Variants in ADARB2 observed in about 807,000 individuals in gnomAD.
The protein encoded by ADARB2 is adenosine deaminase RNA specific B2 (inactive).
In ADARB2, 25 loss-of-function variants were observed where a neutral mutation model predicts 62.2. That is an observed-to-expected ratio of 0.40 (90% CI 0.29 to 0.56). The LOEUF (loss-of-function observed/expected upper bound fraction) is 0.56, where lower values mean the gene tolerates loss of function less well. ADARB2 is among the 20% of genes least tolerant of loss of function. The pLI is 0.43. For synonymous variants in ADARB2, 572 were observed against 500.8 expected (o/e 1.14, Z -1.90); for missense variants, 1,071 against 1,077.4 (o/e 0.99, Z 0.08).
intron 3 of ADARB2, among the ~76,000 whole-genome samples, chr10:1,315,585 TC>T (rs1480322140): frequency 4.6e-5 from 7 of 152,212 alleles, no homozygotes; most frequent in Non-Finnish European, 8.8e-5. Context: ...GAGGGGCTCC[TC>T]GGAAGCCAGG....
rs1052612089 is a variant in ADARB2 at position 1,477,589 on chromosome 10, A to G, written c.101-98429T>C. On this transcript the variant is annotated intron_variant, in intron 1 of 9. Transcript: ENST00000381312. This position sits in a 1 kb window ranked among gnomAD's most constrained non-coding sequence, Gnocchi z 4.5. ...GACACCAGCCCCAGCCATTGCACCCACAACAACACGGTGATGTGCCAGAAG... is the reference window on the plus strand; with the variant it reads ...GACACCAGCCCCAGCCATTGCACCCGCAACAACACGGTGATGTGCCAGAAG... Among the ~76,000 whole-genome samples the G allele has an allele frequency of 2.0e-5, 3 of 152,200 alleles. No homozygotes were observed. The highest frequency in any genetic ancestry group is 4.8e-5 in the African/African-American group (2 of 41,450).
chr10:1,582,218 T>TGGA lies in ADARB2; in HGVS notation c.100+154832_100+154833insTCC, dbSNP rs200573231. 5.3e-5 allele frequency among the ~76,000 whole-genome samples: 8 copies of TGGA among 151,946 alleles called. No homozygotes were observed. In the East Asian group the frequency reaches 1.6e-3, roughly 30 times the overall value. ...ACAGGAAACCATTTGGAGTTGGAGT[T>TGGA]GTCTCTGGCCCAGCTACTTCGGCAG... On this transcript the variant is annotated intron_variant, in intron 1 of 9. Transcript: ENST00000381312.
intron 6 of ADARB2, among the ~76,000 whole-genome samples, chr10:1,220,096 ATGGTGG>A (rs374892964): frequency 8.4e-6 from 1 of 118,568 alleles, no homozygotes; most frequent in Middle Eastern, 7.5e-3. Flanking sequence ...GGTAATGGTG[ATGGTGG>A]TGGTGGTGAT....
Position 1,242,299 on chromosome 10 carries a change from C to T in ADARB2, c.1193G>A (p.Gly398Asp). The T allele has an allele frequency of 6.4e-7, 1 of 1,553,762 alleles. No homozygotes were observed. The highest frequency in any genetic ancestry group is 8.7e-7 in the Non-Finnish European group (1 of 1,150,930). ...KALAGIVMTK[G>D]LDARQAQVVA... Reference sequence around the variant, plus strand: ...GACCTGCGCCTGCCGAGCATCCAGGCCTGGGGACACAGATAGCATCAGAGC... The same window carrying T: ...GACCTGCGCCTGCCGAGCATCCAGGTCTGGGGACACAGATAGCATCAGAGC... The change falls in exon 5 of 10, where the codon GGC (glycine) becomes GAC (aspartate). Residue 398 changes from glycine to aspartate, a missense_variant and splice_region_variant. Gly to Asp is a moderately conservative substitution (Grantham distance 94, BLOSUM62 -1). Transcript: ENST00000381312.
At chr10:1,371,805 AAAT>A (rs1415312505) in intron 2 of ADARB2, among the ~76,000 whole-genome samples, 1 of 148,182 alleles carries the variant, frequency 6.7e-6, no homozygotes, top group African/African-American at 2.4e-5. Flanking sequence ...AAAAAAAAAA[AAAT>A]CCAACATGTT....
chr10:1,724,153 A>C (rs777688590), intron 1 of ADARB2, among the ~76,000 whole-genome samples: 4 of 152,192 alleles, frequency 2.6e-5, no homozygotes, highest in Non-Finnish European at 5.9e-5. Flanking sequence ...TGAAGCTGAA[A>C]ACATACAGCT....
chr10:1,345,743 C>T (rs1832075318), intron 3 of ADARB2, among the ~76,000 whole-genome samples: 2 of 152,148 alleles, frequency 1.3e-5, no homozygotes, highest in Admixed American at 1.3e-4. Flanking sequence ...TGACTCTGCC[C>T]CTTTCAGTCT....
At position 1,184,519 on chromosome 10, in the gene ADARB2, C is replaced by T. The variant is rs189095711; in HGVS notation, c.2043+342G>A. ...AGTGTCGGTTTCCTGATATCTAAAC[C>T]GGGAATAGTATCGACTTCAAAAGTC... is the stretch of plus-strand genomic sequence containing the variant. On this transcript the variant is annotated intron_variant, in intron 9 of 9. Transcript: ENST00000381312. Among the ~76,000 whole-genome samples the T allele has an allele frequency of 3.2e-3, 493 of 152,238 alleles. 5 individuals carry two copies. Among genetic ancestry groups the T allele is most frequent in the African/African-American group, 0.011 (467 of 41,540 alleles).
At chr10:1,670,020 G>A (rs1425894734) in intron 1 of ADARB2, among the ~76,000 whole-genome samples, 2 of 152,236 alleles carry the variant, frequency 1.3e-5, no homozygotes, top group Non-Finnish European at 2.9e-5. Flanking sequence ...CAGGGCGTCT[G>A]TGAGTCTCAC....
chr10:1,207,608 T>TG lies in ADARB2; in HGVS notation c.1683-7462dup, dbSNP rs1383216878. On this transcript the variant is annotated intron_variant, in intron 7 of 9. Transcript: ENST00000381312. ...GAACATTGAGCAGCTGATCTCTAGG[T>TG]GGGGGGAGACGGCACTCTGCACAGG... 2.6e-5 allele frequency among the ~76,000 whole-genome samples: 4 copies of TG among 152,062 alleles called. No homozygotes were observed. The East Asian group carries it at 5.8e-4, about 22-fold the overall frequency.
At chr10:1,423,290 C>T (rs944192421) in intron 1 of ADARB2, among the ~76,000 whole-genome samples, 1 of 152,218 alleles carries the variant, frequency 6.6e-6, no homozygotes, top group African/African-American at 2.4e-5. Context: ...CTTCTTTTCC[C>T]CTCTAATCTG....
chr10:1,562,490 G>A (rs1414410966), intron 1 of ADARB2, among the ~76,000 whole-genome samples: 5 of 152,172 alleles, frequency 3.3e-5, no homozygotes, highest in African/African-American at 9.7e-5. Flanking sequence ...AGCCTGTCAG[G>A]TATATGCGGT....
intron 1 of ADARB2, among the ~76,000 whole-genome samples, chr10:1,646,413 A>G (rs1834042861): frequency 6.6e-6 from 1 of 152,238 alleles, no homozygotes. Flanking sequence ...TCCACAAACA[A>G]TGAACAGTGG....
intron 3 of ADARB2, among the ~76,000 whole-genome samples, chr10:1,299,455 C>T (rs148450080): frequency 1.3e-5 from 2 of 152,324 alleles, no homozygotes; most frequent in East Asian, 1.9e-4. Flanking sequence ...CACTTTAAGT[C>T]GCAAGCAGTG....
intron 1 of ADARB2, among the ~76,000 whole-genome samples, chr10:1,570,170 C>T (rs947117914): frequency 9.9e-5 from 15 of 152,040 alleles, no homozygotes; most frequent in Non-Finnish European, 1.8e-4. Flanking sequence ...TATGACATAT[C>T]GATTTGTGCG....
In ADARB2 at chr10:1,587,900, G is replaced by A. The variant is rs773129635; in HGVS notation, c.100+149151C>T. 4.6e-4 allele frequency among the ~76,000 whole-genome samples: 70 copies of A among 151,986 alleles called. 2 individuals are homozygous for A. Among genetic ancestry groups the A allele is most frequent in the Non-Finnish European group, 1.6e-4 (11 of 67,984 alleles). ...TGGCTCTCATTCTCTCTTGACTGCCGCCATGTAAGATGTGCCTTTCATCCT... is the reference window on the plus strand; with the variant it reads ...TGGCTCTCATTCTCTCTTGACTGCCACCATGTAAGATGTGCCTTTCATCCT... On this transcript the variant is annotated intron_variant, in intron 1 of 9. Transcript: ENST00000381312.
chr10:1,672,842 A>C (rs1026209405), intron 1 of ADARB2, among the ~76,000 whole-genome samples: 21 of 149,532 alleles, frequency 1.4e-4, no homozygotes, highest in African/African-American at 5.1e-4. Flanking sequence ...GTTACTGAGG[A>C]CAAATCATTT....
chr10:1,503,723 C>T (rs544760012), intron 1 of ADARB2, among the ~76,000 whole-genome samples: 1 of 152,176 alleles, frequency 6.6e-6, no homozygotes, highest in South Asian at 2.1e-4. Flanking sequence ...TTAGCACCAT[C>T]CTCTTGGTGC....
At chr10:1,593,080 G>A (rs376834625) in intron 1 of ADARB2, among the ~76,000 whole-genome samples, 700 of 36,960 alleles carry the variant, frequency 0.019, 77 homozygotes, top group African/African-American at 0.076. Flanking sequence ...AGCTTCCCTC[G>A]CCCACGCCAC....
Sources: gnomAD v4.1 joint callset for allele counts (sites outside exome capture counted in the v4.1 genomes callset) on GRCh38, gnomAD v4.1.1 for gene constraint, Gnocchi (gnomAD v3.1) non-coding constraint, MANE v1.5 for transcripts, NCBI Gene and HGNC (gene_info 2026-07-23, HGNC 2026-07-21) for gene names.